Variants in AKAP13 observed in about 807,000 individuals in gnomAD.
AKAP13 encodes A-kinase anchor protein 13.
In AKAP13, 80 loss-of-function variants were observed where a neutral mutation model predicts 264.5. The observed-to-expected ratio is 0.30, with a 90% CI of 0.25 to 0.36. AKAP13 has a LOEUF of 0.36. Among genes scored for constraint, AKAP13 ranks in the 10% least tolerant of loss-of-function variants. The pLI is 1.00. For missense variants in AKAP13, 3,712 were observed against 3,435.2 expected (o/e 1.08, Z -2.01); for synonymous variants, 1,380 against 1,250.2 (o/e 1.10, Z -2.19).
intron 1 of AKAP13, among the ~76,000 whole-genome samples, chr15:85,436,792 A>G (rs1159816946): frequency 6.6e-6 from 1 of 152,148 alleles, no homozygotes; most frequent in Non-Finnish European, 1.5e-5. Flanking sequence ...ACAACATACC[A>G]GAATCTCTGG....
intron 1 of AKAP13, among the ~76,000 whole-genome samples, chr15:85,442,089 G>A (rs890115769): frequency 1.3e-5 from 2 of 152,106 alleles, no homozygotes; most frequent in African/African-American, 2.4e-5. Context: ...GCCTAGGATA[G>A]TACAAGCTAT....
At chr15:85,576,383 G>C (rs2079014827) in intron 6 of AKAP13, among the ~76,000 whole-genome samples, 1 of 151,782 alleles carries the variant, frequency 6.6e-6, no homozygotes, top group African/African-American at 2.4e-5. Flanking sequence ...ATGGTACAAA[G>C]ATAGCTAAAA....
intron 16 of AKAP13, among the ~76,000 whole-genome samples, chr15:85,685,606 G>A (rs1225970371): frequency 2.0e-5 from 3 of 151,954 alleles, no homozygotes; most frequent in East Asian, 3.9e-4. Flanking sequence ...GCCTCGCACC[G>A]TAGCCTCCCG....
At position 85,533,768 on chromosome 15, in the gene AKAP13, A is replaced by G. The variant is rs142870042; in HGVS notation, c.366A>G (p.Ser122=). 1.9e-6 allele frequency: 3 copies of G among 1,613,950 alleles called. No homozygotes were observed. Among genetic ancestry groups the G allele is most frequent in the Non-Finnish European group, 2.5e-6 (3 of 1,179,998 alleles). The change falls in exon 4 of 37, where the codon TCA becomes TCG. Residue 122 remains serine (S), a synonymous_variant. Transcript: ENST00000394518. The part of the protein sequence containing the change: ...ALNFTRFLDQ[S]GPPSGDVNSL... ...ACTTTACCCGTTTTCTTGACCAGTC[A>G]GGACCCCCATCTGGGGATGTGAATT...
intron 9 of AKAP13, among the ~76,000 whole-genome samples, chr15:85,640,267 A>G (rs1596845030): frequency 1.3e-5 from 2 of 152,204 alleles, no homozygotes; most frequent in Non-Finnish European, 2.9e-5. Context: ...AGTGAATACT[A>G]GTAATTTGCA....
intron 8 of AKAP13, among the ~76,000 whole-genome samples, chr15:85,628,137 AC>A (rs1290814191): frequency 8.5e-5 from 13 of 152,264 alleles, no homozygotes; most frequent in Middle Eastern, 6.8e-3. Flanking sequence ...TAATCCGTAG[AC>A]TCATAAGGAT....
At chr15:85,419,935 GTTTTT>G (rs11452064) in intron 1 of AKAP13, among the ~76,000 whole-genome samples, 2 of 77,970 alleles carry the variant, frequency 2.6e-5, no homozygotes, top group Non-Finnish European at 4.6e-5. Flanking sequence ...TCTGACTCTT[GTTTTT>G]TTTTTTTTTT....
At chr15:85,549,311 C>T (rs1470877175) in intron 5 of AKAP13, among the ~76,000 whole-genome samples, 1 of 152,154 alleles carries the variant, frequency 6.6e-6, no homozygotes, top group African/African-American at 2.4e-5. Context: ...TACAGTCCTT[C>T]CACCCTTATA....
chr15:85,513,455 A>G (rs1019068332), intron 2 of AKAP13, among the ~76,000 whole-genome samples: 5 of 152,188 alleles, frequency 3.3e-5, no homozygotes, highest in Admixed American at 1.3e-4. Context: ...ATAATTTTAT[A>G]AAGAGTTTTC....
At position 85,717,391 on chromosome 15, in the gene AKAP13, T is replaced by G. The variant is rs2087010133; in HGVS notation, c.5837T>G (p.Leu1946Arg). 6.2e-7 allele frequency: 1 copy of G among 1,610,614 alleles called. No individual in the cohort carries two copies. Among genetic ancestry groups the G allele is most frequent in the African/African-American group, 1.3e-5 (1 of 74,806 alleles). Residue 1946 changes from leucine to arginine, a missense_variant, in exon 21 of 37, where the codon CTT becomes CGT. Physicochemically the swap from Leu to Arg is moderately radical, Grantham distance 102 (BLOSUM62 -2). Transcript: ENST00000394518. Reference sequence around the variant, plus strand: ...AAGGTCAATGAGTCAACAGAATCACTTACTGATGAGGGTAAGAGGAAGTTA... The same window carrying G: ...AAGGTCAATGAGTCAACAGAATCACGTACTGATGAGGGTAAGAGGAAGTTA... Reference protein sequence around the residue: ...ISKVNESTESLTDEGVGTDMN... With the variant: ...ISKVNESTESRTDEGVGTDMN...
chr15:85,635,850 T>C (rs887441256), intron 8 of AKAP13, among the ~76,000 whole-genome samples: 1 of 152,228 alleles, frequency 6.6e-6, no homozygotes, highest in Non-Finnish European at 1.5e-5. Context: ...TTAAAATATC[T>C]TGGCATCTTT....
intron 14 of AKAP13, among the ~76,000 whole-genome samples, chr15:85,673,662 C>CTT (rs2084042311): frequency 1.9e-5 from 2 of 103,438 alleles, no homozygotes; most frequent in African/African-American, 8.2e-5. Context: ...CCCTTTCTTT[C>CTT]TTTCTTTTTT....
At chr15:85,500,834 T>G (rs905810470) in intron 2 of AKAP13, among the ~76,000 whole-genome samples, 6 of 152,214 alleles carry the variant, frequency 3.9e-5, no homozygotes, top group African/African-American at 1.4e-4. Flanking sequence ...CTGGTGTCTT[T>G]GGAGCCCTTC....
intron 4 of AKAP13, among the ~76,000 whole-genome samples, chr15:85,537,839 CA>C (rs2077452139): frequency 6.6e-6 from 1 of 152,208 alleles, no homozygotes; most frequent in Non-Finnish European, 1.5e-5. Flanking sequence ...TTTGGAGACA[CA>C]AAACATTGAT....
intron 8 of AKAP13, among the ~76,000 whole-genome samples, chr15:85,633,955 T>A (rs2081971427): frequency 6.6e-6 from 1 of 152,160 alleles, no homozygotes; most frequent in Non-Finnish European, 1.5e-5. Flanking sequence ...TACCTTAAAG[T>A]ACCTTTCAGA....
At chr15:85,426,955 G>GTTTTTTT (rs71468105) in intron 1 of AKAP13, among the ~76,000 whole-genome samples, 6 of 125,074 alleles carry the variant, frequency 4.8e-5, no homozygotes, top group African/African-American at 5.9e-5. Flanking sequence ...GTTTTGTTTT[G>GTTTTTTT]TTTTTTTTTT....
At chr15:85,543,997 G>GCCCCAC in intron 5 of AKAP13, 42 bp downstream of exon 5, 1 of 1,606,032 alleles carries the variant, frequency 6.2e-7, no homozygotes, top group Non-Finnish European at 8.5e-7. Context: ...CTCATCCCCA[G>GCCCCAC]CCCCACCCCC....
chr15:85,699,777 G>C lies in AKAP13; in HGVS notation c.5464+6326G>C, dbSNP rs35211806. ...AGAACAGAGTAAGCTTATAAGCCTT[G>C]AGGAGAGTTGTTCTACCACTGTTAT... is the stretch of plus-strand genomic sequence containing the variant. On this transcript the variant is annotated intron_variant, in intron 17 of 36. Transcript: ENST00000394518. Among the ~76,000 whole-genome samples, 775 of 152,338 alleles carry C rather than the reference G, an allele frequency of 5.1e-3. 14 individuals carry two copies. The highest frequency in any genetic ancestry group is 0.011 in the Admixed American group (165 of 15,306).
At chr15:85,422,668 G>A (rs1279623766) in intron 1 of AKAP13, among the ~76,000 whole-genome samples, 2 of 152,182 alleles carry the variant, frequency 1.3e-5, no homozygotes, top group Non-Finnish European at 1.5e-5. Context: ...TTTTAAATTA[G>A]GAAAGAAAAA....
Sources: allele counts gnomAD v4.1 joint callset (sites outside exome capture counted in the v4.1 genomes callset), GRCh38; gene constraint gnomAD v4.1.1; transcripts MANE v1.5; gene names NCBI Gene and HGNC (gene_info 2026-07-23, HGNC 2026-07-21).